The following JMJD1C variants were observed in gnomAD, a reference collection of about 807,000 sequenced individuals.
The protein encoded by JMJD1C is jumonji domain containing 1C.
JMJD1C carries 31 observed loss-of-function variants against 245.3 expected under a neutral mutation model. That is an observed-to-expected ratio of 0.13 (90% CI 0.09 to 0.17). The LOEUF is 0.17. Among genes scored for constraint, JMJD1C ranks in the 10% least tolerant of loss-of-function variants. The probability of loss-of-function intolerance (pLI) is 1.00; values close to 1 mark genes in which losing one functional copy is unlikely to be tolerated. For missense variants in JMJD1C, 2,691 were observed against 3,000.2 expected (o/e 0.90, Z 2.41); for synonymous variants, 1,057 against 1,017.4 (o/e 1.04, Z -0.74).
chr10:63,274,436 G>A (rs1056039159), intron 2 of JMJD1C, among the ~76,000 whole-genome samples: 2 of 151,896 alleles, frequency 1.3e-5, no homozygotes, highest in African/African-American at 2.4e-5. Flanking sequence ...GTGGTGGCAC[G>A]CACCTGTGGT....
At chr10:63,433,108 T>C (rs77231127) in intron 1 of JMJD1C, among the ~76,000 whole-genome samples, 5,616 of 152,022 alleles carry the variant, frequency 0.037, 340 homozygotes, top group East Asian at 0.29. Context: ...TTTTTTTTTT[T>C]GAGACAGAGT....
intron 1 of JMJD1C, among the ~76,000 whole-genome samples, chr10:63,459,314 G>C (rs955916710): frequency 6.6e-6 from 1 of 152,172 alleles, no homozygotes; most frequent in Non-Finnish European, 1.5e-5. Context: ...ATAAAGAATA[G>C]TGGACCTACA....
intron 3 of JMJD1C, among the ~76,000 whole-genome samples, chr10:63,251,745 G>A (rs1853115111): frequency 6.6e-6 from 1 of 152,146 alleles, no homozygotes; most frequent in Non-Finnish European, 1.5e-5. Flanking sequence ...CGTCAACTTG[G>A]CAAGATTATT....
intron 1 of JMJD1C, among the ~76,000 whole-genome samples, chr10:63,395,034 A>C (rs1258024115): frequency 3.3e-5 from 5 of 152,182 alleles, no homozygotes; most frequent in Non-Finnish European, 7.4e-5. Flanking sequence ...AAATTAATTC[A>C]AAAATATGGG....
intron 1 of JMJD1C, among the ~76,000 whole-genome samples, chr10:63,520,789 C>T (rs1156524319): frequency 6.6e-6 from 1 of 152,186 alleles, no homozygotes; most frequent in Non-Finnish European, 1.5e-5. Context: ...TATCACTGCA[C>T]CCACTACTGC....
At chr10:63,401,560 G>C (rs1283063478) in intron 1 of JMJD1C, among the ~76,000 whole-genome samples, 2 of 152,008 alleles carry the variant, frequency 1.3e-5, no homozygotes, top group East Asian at 3.9e-4. Flanking sequence ...ATATACCCTT[G>C]TATTAATTCT....
At position 63,194,478 on chromosome 10, in the gene JMJD1C, G is replaced by A. The variant is rs558065393; in HGVS notation, c.5645-103C>T. On this transcript the variant is annotated intron_variant, in intron 13 of 25. Coordinates refer to ENST00000399262, the MANE Select transcript of JMJD1C (RefSeq NM_032776.3). ...ATATAAAATGTTTCATAGTTGGCTA[G>A]AGTCACAGCCAAAGAGAAAAAGAAA... 4 of 720,182 alleles carry A rather than the reference G, an allele frequency of 5.6e-6. No homozygotes were observed. The Admixed American group carries it at 6.5e-5, about 12-fold the overall frequency. 44.6% of individuals were successfully genotyped at this position (720,182 alleles called of 1,614,324 possible).
intron 1 of JMJD1C, among the ~76,000 whole-genome samples, chr10:63,442,732 C>T (rs941125089): frequency 2.0e-5 from 3 of 152,188 alleles, no homozygotes; most frequent in Non-Finnish European, 4.4e-5. Context: ...TATAATCCAG[C>T]TTCTCCATTA....
chr10:63,503,815 G>T (rs777781321), intron 1 of JMJD1C, among the ~76,000 whole-genome samples: 2 of 152,078 alleles, frequency 1.3e-5, no homozygotes, highest in Non-Finnish European at 2.9e-5. Flanking sequence ...TCGTAGTTCT[G>T]CCCCTTCAAC....
rs550423859 is a variant in JMJD1C, at chr10:63,264,255, T to C, written c.447+396A>G. On this transcript the variant is annotated intron_variant, in intron 3 of 25. Coordinates refer to ENST00000399262, the MANE Select transcript of JMJD1C (RefSeq NM_032776.3). ...TTCCCCTTTAAAAAAAGAACTATTA[T>C]GCTAAACTGATAGGTATACATAAAC... Among the ~76,000 whole-genome samples, 4 of 152,266 alleles carry C rather than the reference T, an allele frequency of 2.6e-5. No individual in the cohort carries two copies. In the South Asian group the frequency reaches 6.2e-4, roughly 24 times the overall value.
chr10:63,198,435 C>T (rs907604083), intron 12 of JMJD1C, 78 bp downstream of exon 12: 3 of 887,596 alleles, frequency 3.4e-6, no homozygotes, highest in Non-Finnish European at 1.8e-6. Context: ...AGATTAGGGA[C>T]TTCTTTCACA....
chr10:63,418,914 C>CA (rs1949950508), intron 1 of JMJD1C, among the ~76,000 whole-genome samples: 1 of 149,640 alleles, frequency 6.7e-6, no homozygotes, highest in Non-Finnish European at 1.5e-5. Flanking sequence ...CTGTCTGTAC[C>CA]AAAAATACAA....
intron 2 of JMJD1C, among the ~76,000 whole-genome samples, chr10:63,266,432 T>C (rs1354435696): frequency 1.3e-5 from 2 of 152,152 alleles, no homozygotes; most frequent in African/African-American, 2.4e-5. Context: ...ACAAAAAGTT[T>C]GTAAGAAATT....
At chr10:63,521,115 G>C (rs1165112418) in intron 1 of JMJD1C, among the ~76,000 whole-genome samples, 1 of 32 alleles carries the variant, frequency 0.031, no homozygotes, top group Non-Finnish European at 0.062. Flanking sequence ...CACTCTCGCC[G>C]CGAGTGTGGG....
chr10:63,168,239 ATATAAGAAAAATG>A, intron 25 of JMJD1C, 105 bp from the exon 26 acceptor site: 3 of 1,035,494 alleles, frequency 2.9e-6, no homozygotes, highest in Non-Finnish European at 2.9e-6. Flanking sequence ...GGAAAGCCAA[ATATAAGAAAAATG>A]TTTGAAAGTG....
chr10:63,358,206 C>T lies in JMJD1C; in HGVS notation c.333+22112G>A, dbSNP rs567980963. 1.5e-4 allele frequency among the ~76,000 whole-genome samples: 23 copies of T among 152,068 alleles called. No homozygotes were observed. In the East Asian group the frequency reaches 4.4e-3, roughly 29 times the overall value. ...CCAAACTATCATCTATTTTAGGATA[C>T]GAAAATTTTTTCACAGATTATAACC... On this transcript the variant is annotated intron_variant, in intron 2 of 25. Coordinates refer to ENST00000399262, the MANE Select transcript of JMJD1C (RefSeq NM_032776.3).
intron 2 of JMJD1C, among the ~76,000 whole-genome samples, chr10:63,334,818 C>T (rs1942531369): frequency 6.6e-6 from 1 of 152,004 alleles, no homozygotes; most frequent in African/African-American, 2.4e-5. Context: ...AAACGACTCT[C>T]AGGCCTCAGC....
In JMJD1C at chr10:63,465,651, C is replaced by T. The variant is rs1453422436; in HGVS notation, c.12G>A (p.Glu4=). 2 of 1,609,228 alleles carry T rather than the reference C, an allele frequency of 1.2e-6. No individual in the cohort carries two copies. The highest frequency in any genetic ancestry group is 1.7e-6 in the Non-Finnish European group (2 of 1,179,868). Residue 4 remains glutamate (E), a synonymous_variant, in exon 1 of 26, where the codon GAG becomes GAA. Coordinates refer to ENST00000399262, the MANE Select transcript of JMJD1C (RefSeq NM_032776.3). MAV[E]TRAELVGKRF... Reference sequence around the variant, plus strand: ...GCTTACCCACCAGCTCTGCCCGCGTCTCTACCGCCATAGCTGTCGCTGCCG... The same window carrying T: ...GCTTACCCACCAGCTCTGCCCGCGTTTCTACCGCCATAGCTGTCGCTGCCG...
intron 3 of JMJD1C, among the ~76,000 whole-genome samples, chr10:63,223,859 T>TC (rs1242435558): frequency 6.6e-6 from 1 of 152,156 alleles, no homozygotes; most frequent in African/African-American, 2.4e-5. Flanking sequence ...GTTCAAGAGA[T>TC]TCTCCTGCCT....
Sources: gnomAD v4.1 joint callset for allele counts (sites outside exome capture counted in the v4.1 genomes callset) on GRCh38, gnomAD v4.1.1 for gene constraint, MANE v1.5 for transcripts, NCBI Gene and HGNC (gene_info 2026-07-23, HGNC 2026-07-21) for gene names.